THAP3: variants seen among roughly 807,000 people sequenced by gnomAD.
The protein encoded by THAP3 is THAP domain-containing protein 3.
Under a neutral mutation model 17.7 loss-of-function variants are expected in THAP3, and 12 were observed. The ratio of observed to expected loss-of-function variants is 0.68; its 90% CI spans 0.43 to 1.10. The LOEUF (loss-of-function observed/expected upper bound fraction) is 1.10. Among genes scored for constraint, THAP3 ranks in the 50% least tolerant of loss-of-function variants. The pLI, the probability that THAP3 is intolerant of heterozygous loss-of-function variation, is 0.00. For synonymous variants in THAP3, 133 were observed against 126.9 expected, an observed-to-expected ratio of 1.05 and a Z score of -0.32; for missense variants, 289 against 318.0, an observed-to-expected ratio of 0.91 and a Z score of 0.69.
chr1:6,634,277 G>A (rs11553408), downstream of THAP3: 7 of 869,494 alleles, frequency 8.1e-6, no homozygotes, highest in Middle Eastern at 7.1e-4. Context: ...CGCACGGGAA[G>A]CCCGGGGCCC....
At chr1:6,628,777 G>A in intron 3 of THAP3, 86 bp downstream of exon 3, 1 of 1,411,188 alleles carries the variant, frequency 7.1e-7, no homozygotes, top group Non-Finnish European at 9.6e-7. Context: ...GGCGGCATGT[G>A]TGGGAAAAGC....
downstream of THAP3, chr1:6,634,097 G>A (rs895677977): frequency 6.2e-6 from 10 of 1,612,882 alleles, no homozygotes; most frequent in Non-Finnish European, 7.6e-6. Flanking sequence ...GAAGGATGGG[G>A]AGGAGGCCTC....
chr1:6,628,242 G>A (rs1641515946), intron 2 of THAP3: 3 of 458,204 alleles, frequency 6.5e-6, no homozygotes, highest in Non-Finnish European at 1.2e-5. Flanking sequence ...GCTCCTGGTA[G>A]GCTCCTGGCA....
downstream of THAP3, chr1:6,634,053 G>A (rs1417715216): frequency 6.2e-7 from 1 of 1,613,832 alleles, no homozygotes; most frequent in African/African-American, 1.3e-5. Context: ...TGGAACCCCA[G>A]CTTCACGTGA....
chr1:6,629,962 T>C (rs1468272377), intron 3 of THAP3, among the ~76,000 whole-genome samples: 5 of 152,156 alleles, frequency 3.3e-5, no homozygotes, highest in Non-Finnish European at 7.4e-5. Context: ...CCTCGAGTGG[T>C]GAGCTGCGCT....
chr1:6,631,525 T>C (rs1314920229), intron 4 of THAP3, among the ~76,000 whole-genome samples: 1 of 151,996 alleles, frequency 6.6e-6, no homozygotes, highest in East Asian at 1.9e-4. Context: ...TCCCAGCACT[T>C]TGGGAGGCCG....
Position 6,625,224 on chromosome 1 carries a change from G to A in THAP3, c.6G>A (p.Pro2=), listed in dbSNP as rs1178365559. 6 of 1,542,740 alleles carry A rather than the reference G, an allele frequency of 3.9e-6. No homozygotes were observed. Among genetic ancestry groups the A allele is most frequent in the South Asian group, 3.6e-5 (3 of 83,544 alleles). ...GCAGCCAGGCCTGGCTCGAGATGCCGAAGTCGTGCGCGGCCCGGCAGTGCT... is the reference window on the plus strand; with the variant it reads ...GCAGCCAGGCCTGGCTCGAGATGCCAAAGTCGTGCGCGGCCCGGCAGTGCT... M[P]KSCAARQCCN... The change falls in exon 2 of 6, where the codon CCG becomes CCA. Residue 2 remains proline (P), a synonymous_variant. Coordinates refer to ENST00000054650, the MANE Select transcript of THAP3 (RefSeq NM_001195753.2).
Position 6,625,242 on chromosome 1 carries a change from G to T in THAP3, c.24G>T (p.Arg8=). 1 of 1,545,712 alleles carries T rather than the reference G, an allele frequency of 6.5e-7. No homozygotes were observed. Among genetic ancestry groups the T allele is most frequent in the Non-Finnish European group, 8.7e-7 (1 of 1,147,318 alleles). ...AGATGCCGAAGTCGTGCGCGGCCCG[G>T]CAGTGCTGCAACCGCTACAGCAGCC... MPKSCAA[R]QCCNRYSSRR... Residue 8 remains arginine (R), a synonymous_variant, in exon 2 of 6, where the codon CGG becomes CGT. Coordinates refer to ENST00000054650, the MANE Select transcript of THAP3 (RefSeq NM_001195753.2).
In THAP3 at chr1:6,628,579, C is replaced by T. The variant is rs138429240; in HGVS notation, c.155C>T (p.Thr52Met). 6,629 of 1,613,806 alleles carry T rather than the reference C, an allele frequency of 4.1e-3. 29 individuals are homozygous for T. The highest frequency in any genetic ancestry group is 4.7e-3 in the Non-Finnish European group (5,553 of 1,180,004). ...GGCAACTTCAAGCCCAAGCAGCACA[C>T]GGTCATCTGCTCCGAGCACTTCCGG... ...GRGNFKPKQHTVICSEHFRPE... is the reference protein window; with the variant it reads ...GRGNFKPKQHMVICSEHFRPE... Residue 52 changes from threonine (T) to methionine (M), a missense_variant, in exon 3 of 6, where the codon ACG becomes ATG. Transcript: ENST00000054650.
Position 6,628,565 on chromosome 1 carries a change from G to A in THAP3, c.141G>A (p.Lys47=), listed in dbSNP as rs748134857. 6.2e-7 allele frequency: 1 copy of A among 1,613,846 alleles called. No homozygotes were observed. The highest frequency in any genetic ancestry group is 8.5e-7 in the Non-Finnish European group (1 of 1,180,008). The part of the protein sequence containing the change: ...WVLNIGRGNF[K]PKQHTVICSE... ...TGAACATCGGCCGGGGCAACTTCAA[G>A]CCCAAGCAGCACACGGTCATCTGCT... Residue 47 remains lysine, a synonymous_variant, in exon 3 of 6, where the codon AAG becomes AAA. Coordinates refer to ENST00000054650, the MANE Select transcript of THAP3 (RefSeq NM_001195753.2).
chr1:6,630,745 G>T (rs1641587950), intron 4 of THAP3, among the ~76,000 whole-genome samples: 1 of 151,992 alleles, frequency 6.6e-6, no homozygotes, highest in South Asian at 2.1e-4. Flanking sequence ...TAATTTTTGT[G>T]TTTTGAAATA....
Position 6,625,266 on chromosome 1 carries a change from C to G in THAP3, c.48C>G (p.Ser16Arg). 6.5e-7 allele frequency: 1 copy of G among 1,545,204 alleles called. No homozygotes were observed. The highest frequency in any genetic ancestry group is 8.7e-7 in the Non-Finnish European group (1 of 1,147,428). ...AARQCCNRYS[S>R]RRKQLTFHRF... ...GGCAGTGCTGCAACCGCTACAGCAGCCGCAGGAAGCAGCTCACCTTCCACC... is the reference window on the plus strand; with the variant it reads ...GGCAGTGCTGCAACCGCTACAGCAGGCGCAGGAAGCAGCTCACCTTCCACC... The change falls in exon 2 of 6, where the codon AGC becomes AGG. Residue 16 changes from serine (S) to arginine (R), a missense_variant. Transcript: ENST00000054650.
intron 4 of THAP3, among the ~76,000 whole-genome samples, chr1:6,631,507 G>T (rs534397701): frequency 6.6e-6 from 1 of 152,018 alleles, no homozygotes; most frequent in Non-Finnish European, 1.5e-5. Context: ...AGTGGCTTGC[G>T]TCTGTATTCC....
downstream of THAP3, chr1:6,634,003 G>T (rs749525371): frequency 1.6e-5 from 26 of 1,610,836 alleles, no homozygotes; most frequent in South Asian, 2.3e-4. Flanking sequence ...CTAACTTGGG[G>T]TCTATTTATT....
chr1:6,625,389 T>C, intron 2 of THAP3, 97 bp downstream of exon 2: 1 of 1,140,642 alleles, frequency 8.8e-7, no homozygotes, highest in Non-Finnish European at 1.1e-6. Flanking sequence ...CCCAAAGGCG[T>C]GCGGCCGCTG....
In THAP3 at chr1:6,632,781, C is replaced by G; in HGVS notation, c.439-15C>G. The G allele has an allele frequency of 6.2e-7, 1 of 1,612,516 alleles. No individual in the cohort carries two copies. Among genetic ancestry groups the G allele is most frequent in the Non-Finnish European group, 8.5e-7 (1 of 1,179,698 alleles). On this transcript the variant is annotated splice_polypyrimidine_tract_variant and intron_variant, in intron 5 of 5. Coordinates refer to ENST00000054650, the MANE Select transcript of THAP3 (RefSeq NM_001195753.2). ...CTGGTGATGCAGCTCTAGGCTCTCA[C>G]TCCCCTGTCCTCAGGTCTCGCCACG... is the stretch of plus-strand genomic sequence containing the variant.
downstream of THAP3, among the ~76,000 whole-genome samples, chr1:6,633,787 G>A (rs962456556): frequency 6.6e-6 from 1 of 152,056 alleles, no homozygotes; most frequent in Non-Finnish European, 1.5e-5. Context: ...GCACACACCT[G>A]TAGTCCCAGC....
intron 4 of THAP3, among the ~76,000 whole-genome samples, chr1:6,632,068 T>C (rs1198083710): frequency 6.7e-6 from 1 of 149,676 alleles, no homozygotes; most frequent in Non-Finnish European, 1.5e-5. Context: ...AAAAAAAATT[T>C]AGCCAGGCGT....
chr1:6,633,138 T>C lies in THAP3; in HGVS notation c.*61T>C. ...ACCAGGGCCGGCAGAGCTTTGGAGC[T>C]CTGGCTGTGGACATTTTTGTCTGCT... On this transcript the variant is annotated 3_prime_UTR_variant, in exon 6 of 6. Coordinates refer to ENST00000054650, the MANE Select transcript of THAP3 (RefSeq NM_001195753.2). The C allele has an allele frequency of 6.5e-7, 1 of 1,530,564 alleles. No individual in the cohort carries two copies. The allele number at this position is 1,530,564 out of a possible 1,614,324, so 94.8% of individuals were successfully genotyped here. A position where few individuals can be genotyped will look rare whatever the true frequency, so the allele number is the denominator to read the frequency against.
Sources: allele counts gnomAD v4.1 joint callset (sites outside exome capture counted in the v4.1 genomes callset), GRCh38; gene constraint gnomAD v4.1.1; transcripts MANE v1.5; gene names NCBI Gene and HGNC (gene_info 2026-07-23, HGNC 2026-07-21).